Variants in NPAS3 observed in about 807,000 individuals in gnomAD.
NPAS3 encodes neuronal PAS domain protein 3.
NPAS3 carries 14 observed loss-of-function variants against 73.1 expected under a neutral mutation model. The observed-to-expected ratio is 0.19, with a 90% CI of 0.13 to 0.30. NPAS3 has a LOEUF of 0.30. Ranked by LOEUF, NPAS3 falls within the 10% of genes least tolerant of loss-of-function variation. The probability of loss-of-function intolerance (pLI) is 1.00; values close to 1 mark genes in which losing one functional copy is unlikely to be tolerated. For synonymous variants in NPAS3, 620 were observed against 541.5 expected (o/e 1.14, Z -2.01); for missense variants, 1,096 against 1,250.0 (o/e 0.88, Z 1.86).
At chr14:33,057,628 T>G (rs1314178659) in intron 2 of NPAS3, among the ~76,000 whole-genome samples, 1 of 152,236 alleles carries the variant, frequency 6.6e-6, no homozygotes, top group Non-Finnish European at 1.5e-5. Context: ...ATAGTAAGGC[T>G]TCCCTGCTAG....
chr14:33,750,143 A>T (rs915704375), intron 7 of NPAS3, among the ~76,000 whole-genome samples: 1 of 152,110 alleles, frequency 6.6e-6, no homozygotes, highest in Non-Finnish European at 1.5e-5. Context: ...ACTCCATTCA[A>T]AGTACCAAAC....
Position 33,800,966 on chromosome 14 carries a change from G to C in NPAS3, c.2659G>C (p.Gly887Arg), listed in dbSNP as rs1192504164. ...GCTCAACATGTCAGGACCGTTCGGC[G>C]GCGCAGTGAGCGCAGCTAGCCTGAC... Residue 887 changes from glycine (G) to arginine (R), a missense_variant, in exon 12 of 12, where the codon GGC (glycine) becomes CGC (arginine). Around this residue, in one of 5 missense-constraint regions of NPAS3, gnomAD observed 698 missense variants for 676.7 expected, o/e 1.03. Transcript: ENST00000356141. This position sits in a 1 kb window ranked among gnomAD's most constrained non-coding sequence, Gnocchi z 6.5. 9.4e-6 allele frequency: 15 copies of C among 1,597,216 alleles called. No homozygotes were observed. Among genetic ancestry groups the C allele is most frequent in the African/African-American group, 2.7e-5 (2 of 74,430 alleles).
At chr14:33,767,088 G>A (rs1435562120) in intron 7 of NPAS3, among the ~76,000 whole-genome samples, 1 of 152,184 alleles carries the variant, frequency 6.6e-6, no homozygotes, top group East Asian at 1.9e-4. Context: ...TGCATCTGTG[G>A]AAGAGTCCCT....
chr14:32,968,656 C>A (rs1475419497), intron 1 of NPAS3, among the ~76,000 whole-genome samples: 1 of 152,074 alleles, frequency 6.6e-6, no homozygotes, highest in Non-Finnish European at 1.5e-5. Flanking sequence ...CATTTATTAT[C>A]TAACACAATC....
At chr14:33,529,373 A>G (rs1251056858) in intron 4 of NPAS3, among the ~76,000 whole-genome samples, 1 of 152,094 alleles carries the variant, frequency 6.6e-6, no homozygotes, top group Non-Finnish European at 1.5e-5. Context: ...TTTTAGACAA[A>G]ATAACCTCGT....
intron 4 of NPAS3, among the ~76,000 whole-genome samples, chr14:33,428,940 T>C (rs1463502955): frequency 6.6e-6 from 1 of 152,116 alleles, no homozygotes; most frequent in Admixed American, 6.5e-5. Flanking sequence ...TTTTAAGGAA[T>C]AGTAATAAAA....
At chr14:33,346,189 C>A (rs1214396774) in intron 3 of NPAS3, among the ~76,000 whole-genome samples, 3 of 150,108 alleles carry the variant, frequency 2.0e-5, no homozygotes, top group Non-Finnish European at 3.0e-5. Context: ...TGAGCCACTG[C>A]ACTCCAGCCT....
intron 3 of NPAS3, among the ~76,000 whole-genome samples, chr14:33,258,349 CTG>C (rs1027387944): frequency 6.6e-6 from 1 of 152,152 alleles, no homozygotes; most frequent in African/African-American, 2.4e-5. Flanking sequence ...TTGCATCAAA[CTG>C]AGATCACACC....
intron 4 of NPAS3, among the ~76,000 whole-genome samples, chr14:33,462,262 T>C (rs1051241983): frequency 2.6e-5 from 4 of 152,188 alleles, no homozygotes; most frequent in African/African-American, 4.8e-5. Flanking sequence ...CCCTATAGCC[T>C]GAAGGCACGA....
chr14:33,367,280 A>G lies in NPAS3; in HGVS notation c.468+12A>G. 1 of 847,456 alleles carries G rather than the reference A, an allele frequency of 1.2e-6. No individual in the cohort carries two copies. Among genetic ancestry groups the G allele is most frequent in the Non-Finnish European group, 2.0e-6 (1 of 493,866 alleles). The allele number at this position is 847,456 out of a possible 1,614,324, so 52.5% of individuals were successfully genotyped here. Reference sequence around the variant, plus strand: ...GCCACATTTTGCAGGTACCTTTAAAACAAAAAGAAGCTTTCTTATATTTTA... The same window carrying G: ...GCCACATTTTGCAGGTACCTTTAAAGCAAAAAGAAGCTTTCTTATATTTTA... On this transcript the variant is annotated intron_variant, in intron 4 of 11. Transcript: ENST00000356141.
At chr14:33,422,111 G>A (rs1281056708) in intron 4 of NPAS3, among the ~76,000 whole-genome samples, 3 of 151,924 alleles carry the variant, frequency 2.0e-5, no homozygotes, top group Non-Finnish European at 4.4e-5. Context: ...ATTAAAGTTT[G>A]CATTAGTGAA....
chr14:33,285,827 G>A (rs1405557263), intron 3 of NPAS3, among the ~76,000 whole-genome samples: 2 of 152,042 alleles, frequency 1.3e-5, no homozygotes, highest in East Asian at 3.9e-4. Context: ...ACTTTTTAAG[G>A]AGTCCAAATA....
At chr14:33,003,967 C>T (rs1485019201) in intron 1 of NPAS3, among the ~76,000 whole-genome samples, 1 of 152,134 alleles carries the variant, frequency 6.6e-6, no homozygotes. Flanking sequence ...AGTCTCATTA[C>T]ACTGATTTGA....
intron 2 of NPAS3, among the ~76,000 whole-genome samples, chr14:33,179,888 C>T (rs1014117695): frequency 6.6e-6 from 1 of 152,102 alleles, no homozygotes; most frequent in African/African-American, 2.4e-5. Flanking sequence ...TTTTAGAGGT[C>T]ACCAAGATTT....
intron 4 of NPAS3, among the ~76,000 whole-genome samples, chr14:33,517,009 C>G (rs1027747374): frequency 6.6e-6 from 1 of 152,056 alleles, no homozygotes; most frequent in Non-Finnish European, 1.5e-5. Context: ...GATGAACAGG[C>G]TGTATATAAA....
chr14:33,795,353 CAA>C (rs2063481661), intron 10 of NPAS3, among the ~76,000 whole-genome samples: 1 of 152,142 alleles, frequency 6.6e-6, no homozygotes, highest in South Asian at 2.1e-4. Context: ...GATTTCCGTG[CAA>C]AGTCTCCCCC....
intron 3 of NPAS3, among the ~76,000 whole-genome samples, chr14:33,353,974 C>T (rs566861989): frequency 5.5e-4 from 83 of 152,214 alleles, no homozygotes; most frequent in Admixed American, 9.8e-4. Flanking sequence ...ATTGTAGTGG[C>T]TGGGCACCAC....
At chr14:33,750,211 A>G (rs1368296581) in intron 7 of NPAS3, among the ~76,000 whole-genome samples, 1 of 148,554 alleles carries the variant, frequency 6.7e-6, no homozygotes, top group Non-Finnish European at 1.5e-5. Flanking sequence ...GATTTCAGCT[A>G]TTCCTTTTTT....
intron 4 of NPAS3, among the ~76,000 whole-genome samples, chr14:33,397,998 A>G (rs984203631): frequency 1.6e-4 from 25 of 152,152 alleles, no homozygotes; most frequent in Admixed American, 1.4e-3. Flanking sequence ...AAACTGATTT[A>G]TATGAAGCCT....
Sources: gnomAD v4.1 joint callset for allele counts (sites outside exome capture counted in the v4.1 genomes callset) on GRCh38, gnomAD v4.1.1 for gene constraint, gnomAD v4.1.1 regional missense constraint, Gnocchi (gnomAD v3.1) non-coding constraint, MANE v1.5 for transcripts, NCBI Gene and HGNC (gene_info 2026-07-23, HGNC 2026-07-21) for gene names.